The following ZFHX3 variants were observed in gnomAD, a reference collection of about 807,000 sequenced individuals.
The protein encoded by ZFHX3 is zinc finger homeobox protein 3.
Under a neutral mutation model 279.1 loss-of-function variants are expected in ZFHX3, and 42 were observed. That is an observed-to-expected ratio of 0.15 (90% CI 0.12 to 0.19). ZFHX3 has a LOEUF of 0.19. Among genes scored for constraint, ZFHX3 ranks in the 10% least tolerant of loss-of-function variants. The pLI is 1.00. For missense variants in ZFHX3, 4,981 were observed against 4,754.0 expected (o/e 1.05, Z -1.40); for synonymous variants, 2,293 against 1,957.8 (o/e 1.17, Z -4.52).
In ZFHX3 at chr16:73,760,894, C is replaced by G. The variant is rs150337505; in HGVS notation, c.-1607-80654G>C. Among the ~76,000 whole-genome samples, 1,148 of 151,868 alleles carry G rather than the reference C, an allele frequency of 7.6e-3. 4 individuals are homozygous for G. Among genetic ancestry groups the G allele is most frequent in the Middle Eastern group, 0.01 (3 of 294 alleles). On this transcript the variant is annotated intron_variant, in intron 1 of 17. Transcript: ENST00000641206. Reference sequence around the variant, plus strand: ...ATACTAAATGGGCAAAAGCTGGAAGCATTCCCCTTGAAAACTGCCACAAGA... The same window carrying G: ...ATACTAAATGGGCAAAAGCTGGAAGGATTCCCCTTGAAAACTGCCACAAGA...
chr16:73,820,687 G>T (rs578223207), intron 1 of ZFHX3, among the ~76,000 whole-genome samples: 1 of 151,954 alleles, frequency 6.6e-6, no homozygotes, highest in African/African-American at 2.4e-5. Context: ...ACTCATGAGA[G>T]ATATATAATA....
chr16:73,053,409 G>C (rs1014846152), intron 1 of ZFHX3, among the ~76,000 whole-genome samples: 2 of 152,090 alleles, frequency 1.3e-5, no homozygotes, highest in Admixed American at 1.3e-4. Context: ...ACAGCATGAG[G>C]TCCACTAATG....
intron 4 of ZFHX3, among the ~76,000 whole-genome samples, chr16:73,265,012 G>T (rs2013929432): frequency 9.3e-6 from 1 of 107,254 alleles, no homozygotes; most frequent in African/African-American, 3.4e-5. Context: ...TAGCACCTCA[G>T]TGCATATATA....
intron 5 of ZFHX3, among the ~76,000 whole-genome samples, chr16:73,176,443 T>C (rs550046904): frequency 6.6e-6 from 1 of 152,252 alleles, no homozygotes; most frequent in South Asian, 2.1e-4. Flanking sequence ...TTTATGTGAG[T>C]ACACTGTATT....
intron 2 of ZFHX3, among the ~76,000 whole-genome samples, chr16:72,956,588 G>A (rs1326021396): frequency 2.0e-5 from 3 of 152,162 alleles, no homozygotes; most frequent in Non-Finnish European, 4.4e-5. Context: ...TAAGCCAATT[G>A]GTAAGACTGG....
intron 1 of ZFHX3, among the ~76,000 whole-genome samples, chr16:73,838,220 T>G (rs1017704014): frequency 6.6e-6 from 1 of 152,246 alleles, no homozygotes; most frequent in African/African-American, 2.4e-5. Context: ...GACTTACATG[T>G]TGCTTTTCCT....
intron 3 of ZFHX3, among the ~76,000 whole-genome samples, chr16:72,914,970 G>A (rs1290913387): frequency 3.3e-5 from 5 of 152,092 alleles, no homozygotes; most frequent in East Asian, 3.9e-4. Flanking sequence ...TAGCCTGGGC[G>A]ACAGAGTGAG....
intron 3 of ZFHX3, among the ~76,000 whole-genome samples, chr16:73,384,905 C>G (rs1287639130): frequency 2.0e-5 from 3 of 152,200 alleles, no homozygotes; most frequent in Non-Finnish European, 4.4e-5. Flanking sequence ...TTGCATCCCT[C>G]CTACGTTACC....
chr16:73,229,363 C>G (rs1408211552), intron 5 of ZFHX3, among the ~76,000 whole-genome samples: 1 of 152,148 alleles, frequency 6.6e-6, no homozygotes, highest in African/African-American at 2.4e-5. Context: ...TTGGTCCAGA[C>G]TTGAATATAT....
At chr16:73,220,134 T>G (rs2012361852) in intron 5 of ZFHX3, among the ~76,000 whole-genome samples, 1 of 151,768 alleles carries the variant, frequency 6.6e-6, no homozygotes, top group Non-Finnish European at 1.5e-5. Flanking sequence ...AAAATACGTT[T>G]GGGCATTGGG....
intron 1 of ZFHX3, among the ~76,000 whole-genome samples, chr16:73,833,330 T>C (rs437468): frequency 0.39 from 59,044 of 151,890 alleles, 12,107 homozygotes; most frequent in Non-Finnish European, 0.46. Context: ...ACCACTCAAG[T>C]CTGGGCAGCA....
chr16:72,848,327 A>G (rs1033103226), intron 4 of ZFHX3, among the ~76,000 whole-genome samples: 1 of 152,008 alleles, frequency 6.6e-6, no homozygotes, highest in African/African-American at 2.4e-5. Flanking sequence ...CACGAGCCCT[A>G]TTGATCTGCC....
chr16:72,981,313 T>C (rs768904989), intron 1 of ZFHX3, among the ~76,000 whole-genome samples: 2 of 152,190 alleles, frequency 1.3e-5, no homozygotes, highest in Non-Finnish European at 2.9e-5. Context: ...TCACGATCAT[T>C]ACTGAGCAAA....
exon 1 of ZFHX3, chr16:73,059,457 CTTT>C (rs1241250301): frequency 6.7e-6 from 1 of 149,946 alleles, no homozygotes; most frequent in Non-Finnish European, 1.5e-5. Flanking sequence ...GGCTAAGAAT[CTTT>C]TTAAGATTTT....
chr16:72,882,498 C>T (rs558000321), intron 4 of ZFHX3, among the ~76,000 whole-genome samples: 8 of 152,290 alleles, frequency 5.3e-5, no homozygotes, highest in African/African-American at 7.2e-5. Flanking sequence ...CAGGCCACTG[C>T]GGCCAGGTCT....
exon 8 of ZFHX3, chr16:73,093,590 G>A (rs1450729749): frequency 2.0e-6 from 1 of 511,922 alleles, no homozygotes; most frequent in Non-Finnish European, 3.9e-6. Flanking sequence ...TGGGCTAACC[G>A]GTCGTCTCCT....
chr16:72,889,905 G>A lies in ZFHX3; in HGVS notation c.3274C>T (p.Leu1092=), dbSNP rs1240824182. ...TTGGCCTTGGTGGAGTAGTTGCACA[G>A]AACGCAGTGGTAGTAGCAGCTCTCA... The part of the protein sequence containing the change: ...EGESCYYHCV[L]CNYSTKAKLN... Residue 1092 remains leucine, a synonymous_variant, in exon 4 of 10, where the codon CTG becomes TTG. Transcript: ENST00000268489. 2 of 1,614,212 alleles carry A rather than the reference G, an allele frequency of 1.2e-6. No individual in the cohort carries two copies. The highest frequency in any genetic ancestry group is 1.7e-6 in the Non-Finnish European group (2 of 1,180,046).
At chr16:73,245,379 C>G (rs961533220) in intron 5 of ZFHX3, among the ~76,000 whole-genome samples, 2 of 152,174 alleles carry the variant, frequency 1.3e-5, no homozygotes, top group African/African-American at 2.4e-5. Flanking sequence ...TAGCAATCCT[C>G]CTGCCTTGGC....
chr16:72,838,330 T>C (rs2037251431), intron 4 of ZFHX3, among the ~76,000 whole-genome samples: 1 of 110,732 alleles, frequency 9.0e-6, no homozygotes, highest in South Asian at 3.5e-4. Context: ...AGAGGCAGCC[T>C]GGGAAGGGAG....
Sources: gnomAD v4.1 joint callset for allele counts (sites outside exome capture counted in the v4.1 genomes callset) on GRCh38, gnomAD v4.1.1 for gene constraint, MANE v1.5 for transcripts, NCBI Gene and HGNC (gene_info 2026-07-23, HGNC 2026-07-21) for gene names.